SSH2: variants seen among roughly 807,000 people sequenced by gnomAD.
The protein encoded by SSH2 is protein phosphatase Slingshot homolog 2.
Under a neutral mutation model 135.2 loss-of-function variants are expected in SSH2, and 37 were observed. That is an observed-to-expected ratio of 0.27 (90% CI 0.21 to 0.36). The LOEUF (loss-of-function observed/expected upper bound fraction) is 0.36, where lower values mean the gene tolerates loss of function less well. Among genes scored for constraint, SSH2 ranks in the 10% least tolerant of loss-of-function variants. The pLI is 1.00. For missense variants in SSH2, 1,408 were observed against 1,765.3 expected (o/e 0.80, Z 3.63); for synonymous variants, 628 against 646.2 (o/e 0.97, Z 0.43).
chr17:29,684,496 A>C, intron 6 of SSH2, 67 bp downstream of exon 6: 1 of 1,464,116 alleles, frequency 6.8e-7, no homozygotes, highest in African/African-American at 1.4e-5. Flanking sequence ...AAAAAAAAAA[A>C]AAAAAAAGCA....
At chr17:29,722,345 T>C (rs913766974) in intron 3 of SSH2, among the ~76,000 whole-genome samples, 2 of 150,832 alleles carry the variant, frequency 1.3e-5, no homozygotes, top group Admixed American at 1.3e-4. Flanking sequence ...CCTTCACACA[T>C]GTTATATGTC....
chr17:29,742,910 C>T lies in SSH2; in HGVS notation c.189-39848G>A, dbSNP rs143470857. On this transcript the variant is annotated intron_variant, in intron 3 of 15. Coordinates refer to ENST00000540801, the MANE Select transcript of SSH2 (RefSeq NM_001282129.2). The stretch of plus-strand genomic sequence containing the variant: ...TCAGCCTCCCAAAGTTCTGGGATTA[C>T]AGGCGTGAGCCCCTGTGCCCAGCCT... Among the ~76,000 whole-genome samples, 752 of 152,188 alleles carry T rather than the reference C, an allele frequency of 4.9e-3. 12 individuals carry two copies. Among genetic ancestry groups the T allele is most frequent in the African/African-American group, 0.017 (709 of 41,512 alleles).
chr17:29,859,776 T>C (rs2065728814), intron 1 of SSH2, among the ~76,000 whole-genome samples: 1 of 152,238 alleles, frequency 6.6e-6, no homozygotes, highest in Admixed American at 6.5e-5. Flanking sequence ...GTCATTATGA[T>C]GGAATGATTT....
At chr17:29,808,952 C>CA (rs2042395477) in intron 2 of SSH2, among the ~76,000 whole-genome samples, 1 of 152,094 alleles carries the variant, frequency 6.6e-6, no homozygotes, top group Non-Finnish European at 1.5e-5. Context: ...GATCTCTTGT[C>CA]AAAAAAAGAT....
At chr17:29,727,059 C>T (rs527389072) in intron 3 of SSH2, among the ~76,000 whole-genome samples, 1 of 152,330 alleles carries the variant, frequency 6.6e-6, no homozygotes, top group East Asian at 1.9e-4. Context: ...TGCCAGGCAT[C>T]AAACTTACAG....
chr17:29,884,668 C>G (rs2066200759), intron 1 of SSH2, among the ~76,000 whole-genome samples: 1 of 152,348 alleles, frequency 6.6e-6, no homozygotes, highest in East Asian at 1.9e-4. Flanking sequence ...CATCTGCCAT[C>G]TACTCAGCCC....
chr17:29,647,319 T>A (rs918642563), intron 14 of SSH2, among the ~76,000 whole-genome samples: 2 of 149,620 alleles, frequency 1.3e-5, no homozygotes, highest in Admixed American at 6.6e-5. Flanking sequence ...GCCACTGCAC[T>A]CCAGCCTGGG....
At chr17:29,816,055 G>A (rs2042553752) in intron 2 of SSH2, among the ~76,000 whole-genome samples, 1 of 151,916 alleles carries the variant, frequency 6.6e-6, no homozygotes, top group African/African-American at 2.4e-5. Flanking sequence ...TGCCATGTTG[G>A]CCAGGCTGGT....
chr17:29,833,580 T>C (rs1463239233), intron 2 of SSH2, among the ~76,000 whole-genome samples: 1 of 152,220 alleles, frequency 6.6e-6, no homozygotes, highest in Non-Finnish European at 1.5e-5. Context: ...CCATTTACAT[T>C]CAATGTTAAT....
intron 3 of SSH2, among the ~76,000 whole-genome samples, chr17:29,781,473 C>CTTTTT (rs541361010): frequency 6.4e-4 from 52 of 81,816 alleles, no homozygotes; most frequent in East Asian, 1.1e-3. Flanking sequence ...CCTGTGTTTT[C>CTTTTT]TTTTTTTTTT....
chr17:29,884,284 T>G (rs1377669223), intron 1 of SSH2, among the ~76,000 whole-genome samples: 2 of 152,216 alleles, frequency 1.3e-5, no homozygotes, highest in Non-Finnish European at 2.9e-5. Flanking sequence ...TTTGACAGAA[T>G]TGGACCATTG....
intron 5 of SSH2, among the ~76,000 whole-genome samples, chr17:29,689,180 T>C (rs930608746): frequency 4.6e-5 from 7 of 151,842 alleles, no homozygotes; most frequent in Admixed American, 4.6e-4. Flanking sequence ...AAGTTCCTTT[T>C]AAGCTTCAAG....
chr17:29,709,015 T>TAG lies in SSH2; in HGVS notation c.189-5955_189-5954dup, dbSNP rs58190730. Among the ~76,000 whole-genome samples the TAG allele has an allele frequency of 5.8e-3, 471 of 81,576 alleles. 4 individuals carry two copies. The highest frequency in any genetic ancestry group is 8.6e-3 in the African/African-American group (210 of 24,406). The allele number at this position is 81,576 out of a possible 152,430, so 53.5% of individuals were successfully genotyped here. ...AGAAATATATATATATATATATATA[T>TAG]AGAGAGAGAGAGAGAGAGAGAGAGA... On this transcript the variant is annotated intron_variant, in intron 3 of 15. Transcript: ENST00000540801.
chr17:29,906,755 T>C (rs1481050384), intron 1 of SSH2, among the ~76,000 whole-genome samples: 1 of 151,728 alleles, frequency 6.6e-6, no homozygotes, highest in Non-Finnish European at 1.5e-5. Context: ...CCAATAAACA[T>C]ATGAAAAAAA....
At chr17:29,770,157 T>C (rs2628183) in intron 3 of SSH2, among the ~76,000 whole-genome samples, 1 of 146,114 alleles carries the variant, frequency 6.8e-6, no homozygotes, top group South Asian at 2.2e-4. Context: ...TGGAGTACAG[T>C]GGTGCGATCT....
chr17:29,764,438 G>A (rs1173810173), intron 3 of SSH2, among the ~76,000 whole-genome samples: 1 of 152,190 alleles, frequency 6.6e-6, no homozygotes, highest in Non-Finnish European at 1.5e-5. Context: ...ACTCTCCACT[G>A]TCGGGAAACA....
intron 4 of SSH2, among the ~76,000 whole-genome samples, chr17:29,696,415 A>G (rs2038748160): frequency 6.8e-6 from 1 of 147,340 alleles, no homozygotes; most frequent in Non-Finnish European, 1.5e-5. Context: ...ATACATATAA[A>G]TATATATACA....
At chr17:29,652,171 T>C (rs1223928728) in intron 12 of SSH2, among the ~76,000 whole-genome samples, 3 of 152,004 alleles carry the variant, frequency 2.0e-5, no homozygotes, top group Non-Finnish European at 2.9e-5. Flanking sequence ...GCAATTGCTA[T>C]GGAAAACAGT....
At chr17:29,732,595 A>G (rs1276094241) in intron 3 of SSH2, among the ~76,000 whole-genome samples, 1 of 152,230 alleles carries the variant, frequency 6.6e-6, no homozygotes, top group Non-Finnish European at 1.5e-5. Flanking sequence ...CTAACAGTAG[A>G]AATGGAGACC....
Sources: allele counts gnomAD v4.1 joint callset (sites outside exome capture counted in the v4.1 genomes callset), GRCh38; gene constraint gnomAD v4.1.1; transcripts MANE v1.5; gene names NCBI Gene and HGNC (gene_info 2026-07-23, HGNC 2026-07-21).